Variants in IL18R1 observed in about 807,000 individuals in gnomAD.
IL18R1 encodes the protein interleukin-18 receptor 1.
In IL18R1, 40 loss-of-function variants were observed where a neutral mutation model predicts 48.5. The observed-to-expected ratio is 0.82, with a 90% CI of 0.64 to 1.07. The LOEUF (loss-of-function observed/expected upper bound fraction) is 1.07. IL18R1 is among the 50% of genes least tolerant of loss of function. The pLI, the probability that IL18R1 is intolerant of heterozygous loss-of-function variation, is 0.00. For synonymous variants in IL18R1, 232 were observed against 225.9 expected (o/e 1.03, Z -0.24); for missense variants, 596 against 633.7 (o/e 0.94, Z 0.64).
rs1679925826 is a variant in IL18R1 at position 102,381,650 on chromosome 2, G to A, written c.656G>A (p.Gly219Glu). The A allele has an allele frequency of 1.9e-6, 3 of 1,612,916 alleles. No individual in the cohort carries two copies. The highest frequency in any genetic ancestry group is 2.5e-6 in the Non-Finnish European group (3 of 1,179,146). The change falls in exon 6 of 11, where the codon GGA becomes GAA. Residue 219 changes from glycine (G) to glutamate (E), a missense_variant. Gly to Glu is a moderately conservative substitution (Grantham distance 98). Around this residue, in one of 3 missense-constraint regions of IL18R1, gnomAD observed 360 missense variants for 339.4 expected, o/e 1.06. Coordinates refer to ENST00000233957, the MANE Select transcript of IL18R1 (RefSeq NM_003855.5). The stretch of plus-strand genomic sequence containing the variant: ...AGTAATATAGTTCCGGTTCTTCTTG[G>A]ACCAAAGCTTAACCATGTTGCAGTG... Reference protein sequence around the residue: ...DRSNIVPVLLGPKLNHVAVEL... With the variant: ...DRSNIVPVLLEPKLNHVAVEL...
intron 4 of IL18R1, among the ~76,000 whole-genome samples, chr2:102,372,792 T>C (rs1336715527): frequency 1.3e-5 from 2 of 152,210 alleles, no homozygotes; most frequent in East Asian, 3.8e-4. Context: ...CCCATTGTTA[T>C]TGGACATTTG....
chr2:102,396,696 T>C lies in IL18R1; in HGVS notation c.1436T>C (p.Val479Ala). The change falls in exon 11 of 11, where the codon GTT becomes GCT. Residue 479 changes from valine to alanine, a missense_variant. By Grantham distance (64) the Val-to-Ala change is moderately conservative (BLOSUM62 0). Around this residue, in one of 3 missense-constraint regions of IL18R1, gnomAD observed 179 missense variants for 206.1 expected, o/e 0.87. Coordinates refer to ENST00000233957, the MANE Select transcript of IL18R1 (RefSeq NM_003855.5). ...IKIILIEFTP[V>A]TDFTFLPQSL... ...ATAATCTTAATTGAATTTACACCTGTTACTGACTTCACATTCTTGCCCCAA... is the reference window on the plus strand; with the variant it reads ...ATAATCTTAATTGAATTTACACCTGCTACTGACTTCACATTCTTGCCCCAA... 1 of 1,614,088 alleles carries C rather than the reference T, an allele frequency of 6.2e-7. No homozygotes were observed.
At position 102,384,990 on chromosome 2, in the gene IL18R1, G is replaced by A. The variant is rs1299974396; in HGVS notation, c.801G>A (p.Met267Ile). 6.4e-7 allele frequency: 1 copy of A among 1,556,366 alleles called. No homozygotes were observed. The highest frequency in any genetic ancestry group is 8.9e-7 in the Non-Finnish European group (1 of 1,129,046). Residue 267 changes from methionine to isoleucine, a missense_variant, in exon 7 of 11, where the codon ATG (methionine) becomes ATA (isoleucine). Met to Ile is a conservative substitution (Grantham distance 10). This residue lies in a region of IL18R1 where 360 missense variants were observed against 339.4 expected (regional missense o/e 1.06). Transcript: ENST00000233957. ...SDPNIHEEKE[M>I]RIMTPEGKWH... ...CTAATATACATGAAGAGAAAGAAAT[G>A]AGAATTATGTATGTATGTGTAATAT...
intron 5 of IL18R1, among the ~76,000 whole-genome samples, chr2:102,380,083 T>C (rs900446560): frequency 6.6e-6 from 1 of 152,236 alleles, no homozygotes; most frequent in Non-Finnish European, 1.5e-5. Context: ...TCTTATGCTC[T>C]GGCTGATCGG....
Position 102,365,013 on chromosome 2 carries a change from T to A in IL18R1, c.58+2295T>A, listed in dbSNP as rs564515885. ...GGCTTATGGGAACTACAATTCAAGA[T>A]GATTTGGGTTGGGGTATAGCCAAAT... On this transcript the variant is annotated intron_variant, in intron 2 of 10. Transcript: ENST00000233957. Among the ~76,000 whole-genome samples, 3 of 152,274 alleles carry A rather than the reference T, an allele frequency of 2.0e-5. No homozygotes were observed. The South Asian group carries it at 6.2e-4, about 32-fold the overall frequency.
chr2:102,375,392 G>C (rs534491074), intron 4 of IL18R1, among the ~76,000 whole-genome samples: 5 of 152,096 alleles, frequency 3.3e-5, no homozygotes, highest in South Asian at 2.1e-4. Context: ...TAATCAGCTC[G>C]CTGGCTTCTG....
chr2:102,374,764 C>T lies in IL18R1; in HGVS notation c.469-1143C>T, dbSNP rs1028615669. ...CTGCACTCCAGCCTAGGGGAGAGAG[C>T]GATACTCCGTCTCAAAAAAAAAAAA... On this transcript the variant is annotated intron_variant, in intron 4 of 10. Coordinates refer to ENST00000233957, the MANE Select transcript of IL18R1 (RefSeq NM_003855.5). Among the ~76,000 whole-genome samples, 8 of 147,938 alleles carry T rather than the reference C, an allele frequency of 5.4e-5. No individual in the cohort carries two copies. The South Asian group carries it at 6.6e-4, about 12-fold the overall frequency.
chr2:102,375,918 G>A lies in IL18R1; in HGVS notation c.480G>A (p.Lys160=), dbSNP rs1679550465. 1.9e-6 allele frequency: 3 copies of A among 1,577,192 alleles called. No individual in the cohort carries two copies. The highest frequency in any genetic ancestry group is 2.0e-5 in the Admixed American group (1 of 50,306). ...TTTATTAAAAACAGAACTGTAAAAAGCTACTACTGGAGAACAATAAAAACC... is the reference window on the plus strand; with the variant it reads ...TTTATTAAAAACAGAACTGTAAAAAACTACTACTGGAGAACAATAAAAACC... ...NSTSLYKNCK[K]LLLENNKNPT... is the part of the protein sequence containing the mutation. Residue 160 remains lysine, a synonymous_variant, in exon 5 of 11, where the codon AAG becomes AAA. Transcript: ENST00000233957.
At chr2:102,388,319 A>T (rs1337427656) in intron 8 of IL18R1, among the ~76,000 whole-genome samples, 1 of 152,194 alleles carries the variant, frequency 6.6e-6, no homozygotes, top group Non-Finnish European at 1.5e-5. Context: ...ATCCAGTCTT[A>T]ACGACAAGCT....
chr2:102,397,564 A>G lies in IL18R1; in HGVS notation c.*678A>G, dbSNP rs1680888731. 6.6e-6 allele frequency: 1 copy of G among 152,344 alleles called. No individual in the cohort carries two copies. The highest frequency in any genetic ancestry group is 1.5e-5 in the Non-Finnish European group (1 of 68,022). The allele number at this position is 152,344 out of a possible 1,614,324, so 9.4% of individuals were successfully genotyped here. Reference sequence around the variant, plus strand: ...TAAAAGGACCCCAGAATAGCTCTTTATCTTTCACAAGAGACACAAATTCTA... The same window carrying G: ...TAAAAGGACCCCAGAATAGCTCTTTGTCTTTCACAAGAGACACAAATTCTA... On this transcript the variant is annotated 3_prime_UTR_variant, in exon 11 of 11. Coordinates refer to ENST00000233957, the MANE Select transcript of IL18R1 (RefSeq NM_003855.5).
chr2:102,397,094 G>A lies in IL18R1; in HGVS notation c.*208G>A, dbSNP rs966654622. On this transcript the variant is annotated 3_prime_UTR_variant, in exon 11 of 11. Coordinates refer to ENST00000233957, the MANE Select transcript of IL18R1 (RefSeq NM_003855.5). ...TGGTCACGTGCTCCCAGAAGACCTG[G>A]AATTCAAAAGAAATGGAGCTATTCT... The A allele has an allele frequency of 2.1e-6, 1 of 480,252 alleles. No individual in the cohort carries two copies. The highest frequency in any genetic ancestry group is 3.6e-6 in the Non-Finnish European group (1 of 274,580). The allele number at this position is 480,252 out of a possible 1,614,324, so 29.7% of individuals were successfully genotyped here. A position where few individuals can be genotyped will look rare whatever the true frequency, so the allele number is the denominator to read the frequency against.
chr2:102,398,323 C>T lies in IL18R1; in HGVS notation c.*1437C>T, dbSNP rs896747659. On this transcript the variant is annotated 3_prime_UTR_variant, in exon 11 of 11. Coordinates refer to ENST00000233957, the MANE Select transcript of IL18R1 (RefSeq NM_003855.5). ...GAAAATCACCAAGTGACTGTGAAAC[C>T]GTCAGTTCGGAAGGCTGGTTAGAAC... 5.3e-5 allele frequency: 8 copies of T among 152,250 alleles called. No individual in the cohort carries two copies. Among genetic ancestry groups the T allele is most frequent in the Non-Finnish European group, 1.0e-4 (7 of 68,030 alleles). The allele number at this position is 152,250 out of a possible 1,614,324, so 9.4% of individuals were successfully genotyped here.
At chr2:102,364,692 G>A (rs1413091208) in intron 2 of IL18R1, among the ~76,000 whole-genome samples, 1 of 152,176 alleles carries the variant, frequency 6.6e-6, no homozygotes, top group Non-Finnish European at 1.5e-5. Context: ...CCATTCTCAT[G>A]CTGCTAATAA....
chr2:102,381,118 C>T (rs1339158259), intron 5 of IL18R1, among the ~76,000 whole-genome samples: 2 of 152,128 alleles, frequency 1.3e-5, no homozygotes, highest in Non-Finnish European at 2.9e-5. Context: ...AACAGCAGGG[C>T]CAGGGCCAAG....
intron 5 of IL18R1, among the ~76,000 whole-genome samples, chr2:102,380,561 C>T (rs1286118847): frequency 6.6e-6 from 1 of 152,194 alleles, no homozygotes; most frequent in Non-Finnish European, 1.5e-5. Context: ...ACTCCAAATC[C>T]CAGGATAACC....
intron 3 of IL18R1, among the ~76,000 whole-genome samples, chr2:102,370,903 C>T (rs958008971): frequency 7.2e-5 from 11 of 152,310 alleles, no homozygotes; most frequent in Admixed American, 6.5e-4. Context: ...TAGAGGATAA[C>T]TTAAAAACAC....
At position 102,356,015 on chromosome 2, in the gene IL18R1, G is replaced by A. The variant is rs563641485; in HGVS notation, c.-414G>A. Reference sequence around the variant, plus strand: ...GGAGGGTCCCCAGACCGGGACCTCCGAGTCAGGGAGGATTCTACGCCAGGG... The same window carrying A: ...GGAGGGTCCCCAGACCGGGACCTCCAAGTCAGGGAGGATTCTACGCCAGGG... On this transcript the variant is annotated 5_prime_UTR_variant, in exon 1 of 11. Transcript: ENST00000233957. The A allele has an allele frequency of 6.6e-6, 1 of 152,164 alleles. No individual in the cohort carries two copies. The highest frequency in any genetic ancestry group is 2.4e-5 in the African/African-American group (1 of 41,424). 9.4% of individuals were successfully genotyped at this position (152,164 alleles called of 1,614,324 possible). A position where few individuals can be genotyped will look rare whatever the true frequency, so the allele number is the denominator to read the frequency against.
At chr2:102,370,588 A>C (rs1559621430) in intron 3 of IL18R1, among the ~76,000 whole-genome samples, 2 of 152,246 alleles carry the variant, frequency 1.3e-5, no homozygotes, top group African/African-American at 4.8e-5. Flanking sequence ...CCCAAGGTGA[A>C]GGGGCCAGAT....
chr2:102,364,796 A>G (rs1052703338), intron 2 of IL18R1, among the ~76,000 whole-genome samples: 1 of 152,196 alleles, frequency 6.6e-6, no homozygotes, highest in Admixed American at 6.5e-5. Context: ...GCTTACAATC[A>G]TAGTGGAAGG....
Sources: allele counts gnomAD v4.1 joint callset (sites outside exome capture counted in the v4.1 genomes callset), GRCh38; gene constraint gnomAD v4.1.1; regional missense constraint gnomAD v4.1.1; transcripts MANE v1.5; gene names NCBI Gene and HGNC (gene_info 2026-07-23, HGNC 2026-07-21).